AUTS2: variants seen among roughly 807,000 people sequenced by gnomAD.
AUTS2 encodes autism susceptibility gene 2 protein.
In AUTS2, 17 loss-of-function variants were observed where a neutral mutation model predicts 112.4. The observed-to-expected ratio is 0.15, with a 90% CI of 0.10 to 0.23. The LOEUF (loss-of-function observed/expected upper bound fraction) is 0.23. AUTS2 is among the 10% of genes least tolerant of loss of function. The pLI is 1.00. For synonymous variants in AUTS2, 751 were observed against 702.7 expected (o/e 1.07, Z -1.09); for missense variants, 1,510 against 1,701.6 (o/e 0.89, Z 1.98).
chr7:70,707,249 A>G (rs1425315702), intron 6 of AUTS2, among the ~76,000 whole-genome samples: 1 of 152,246 alleles, frequency 6.6e-6, no homozygotes, highest in Non-Finnish European at 1.5e-5. Context: ...AACTGAAGTT[A>G]GATATGAATA....
intron 2 of AUTS2, among the ~76,000 whole-genome samples, chr7:70,045,415 C>T (rs1157106040): frequency 6.6e-6 from 1 of 151,938 alleles, no homozygotes; most frequent in Non-Finnish European, 1.5e-5. Flanking sequence ...CCTCTTTAAT[C>T]ATTTAAATTA....
At chr7:69,855,252 C>T (rs936234162) in intron 1 of AUTS2, among the ~76,000 whole-genome samples, 1 of 152,080 alleles carries the variant, frequency 6.6e-6, no homozygotes, top group African/African-American at 2.4e-5. Context: ...GGTTATAGTT[C>T]ATGGACAAGC....
chr7:70,425,733 A>T (rs1425558707), intron 4 of AUTS2, among the ~76,000 whole-genome samples: 7 of 152,192 alleles, frequency 4.6e-5, no homozygotes, highest in Non-Finnish European at 1.0e-4. Flanking sequence ...TGCAAGACGT[A>T]TGTGAAATCA....
intron 2 of AUTS2, among the ~76,000 whole-genome samples, chr7:70,063,114 A>T (rs1273719577): frequency 6.6e-6 from 1 of 152,062 alleles, no homozygotes; most frequent in African/African-American, 2.4e-5. Flanking sequence ...CCCCACCCAC[A>T]GTGTGATGGA....
intron 4 of AUTS2, among the ~76,000 whole-genome samples, chr7:70,363,465 GAAA>G (rs369462886): frequency 0.02 from 2,207 of 110,782 alleles, 31 homozygotes; most frequent in Middle Eastern, 0.057. Context: ...ATAAAAAAAA[GAAA>G]AAAAAAAAAA....
At chr7:70,548,880 C>G (rs563835469) in intron 5 of AUTS2, among the ~76,000 whole-genome samples, 2 of 151,486 alleles carry the variant, frequency 1.3e-5, no homozygotes, top group African/African-American at 4.8e-5. Context: ...GCTTTGTGTC[C>G]TTTGCATTTC....
intron 1 of AUTS2, among the ~76,000 whole-genome samples, chr7:69,731,726 T>C (rs562478248): frequency 6.6e-6 from 1 of 152,352 alleles, no homozygotes; most frequent in East Asian, 1.9e-4. Context: ...TTGGCATTTG[T>C]CACGTATCTT....
At chr7:70,275,119 A>G in intron 4 of AUTS2, among the ~76,000 whole-genome samples, 1 of 152,130 alleles carries the variant, frequency 6.6e-6, no homozygotes. Context: ...GCACAATCAC[A>G]CCTCGCTGCA....
At chr7:70,660,415 G>A (rs1460724868) in intron 5 of AUTS2, among the ~76,000 whole-genome samples, 3 of 152,188 alleles carry the variant, frequency 2.0e-5, no homozygotes, top group Admixed American at 6.5e-5. Flanking sequence ...ACCTAGCTCC[G>A]TGCACAGCTT....
At chr7:69,808,049 T>C (rs145636888) in intron 1 of AUTS2, among the ~76,000 whole-genome samples, 11 of 150,638 alleles carry the variant, frequency 7.3e-5, no homozygotes, top group African/African-American at 2.7e-4. Flanking sequence ...AGCCTCCGGA[T>C]CCTGAGTAGC....
At chr7:70,371,585 G>A (rs927543269) in intron 4 of AUTS2, among the ~76,000 whole-genome samples, 1 of 152,148 alleles carries the variant, frequency 6.6e-6, no homozygotes, top group African/African-American at 2.4e-5. Context: ...TCACAGAGTT[G>A]AGTTCCTTCA....
rs79665308 is a variant in AUTS2 at position 70,717,456 on chromosome 7, A to G, written c.742+18836A>G. Among the ~76,000 whole-genome samples, 172 of 152,140 alleles carry G rather than the reference A, an allele frequency of 1.1e-3. 1 individual carries two copies. The highest frequency in any genetic ancestry group is 4.1e-3 in the African/African-American group (169 of 41,502). ...CTCACCCCTGCCTCCCAAAGCATCG[A>G]GCTCCTGGTGCACTTTCTAACTCAC... On this transcript the variant is annotated intron_variant, in intron 6 of 18. Transcript: ENST00000342771.
chr7:69,917,515 A>T (rs186399064), intron 2 of AUTS2, among the ~76,000 whole-genome samples: 1 of 146,708 alleles, frequency 6.8e-6, no homozygotes, highest in African/African-American at 2.7e-5. Context: ...TATAGCTTTA[A>T]GGGGCCTGCT....
chr7:69,706,862 T>A (rs1281270654), intron 1 of AUTS2, among the ~76,000 whole-genome samples: 1 of 152,196 alleles, frequency 6.6e-6, no homozygotes, highest in Non-Finnish European at 1.5e-5. Flanking sequence ...CTTCACCTCA[T>A]TTGGTTACAC....
chr7:70,134,453 A>C (rs1380287158), intron 3 of AUTS2, 83 bp from the exon 4 acceptor site: 1 of 1,184,542 alleles, frequency 8.4e-7, no homozygotes, highest in Non-Finnish European at 1.3e-6. Context: ...AAGCCTGCAA[A>C]GGGCTGGTAA....
chr7:70,563,998 C>T (rs11972789), intron 5 of AUTS2, among the ~76,000 whole-genome samples: 115,945 of 152,062 alleles, frequency 0.76, 44,661 homozygotes, highest in Non-Finnish European at 0.79. Flanking sequence ...TTTCAAAATG[C>T]AATATCCTGA....
chr7:70,541,036 T>TTCCTCAGGAA (rs1451083134), intron 5 of AUTS2, among the ~76,000 whole-genome samples: 1 of 152,186 alleles, frequency 6.6e-6, no homozygotes, highest in Non-Finnish European at 1.5e-5. Context: ...TTTTTCCCAC[T>TTCCTCAGGAA]GGTGCTACCC....
At chr7:70,205,523 G>C (rs1212440193) in intron 4 of AUTS2, among the ~76,000 whole-genome samples, 1 of 152,078 alleles carries the variant, frequency 6.6e-6, no homozygotes, top group Non-Finnish European at 1.5e-5. Context: ...ACAAATACTT[G>C]CCATTATGTT....
chr7:70,607,629 G>A (rs898419735), intron 5 of AUTS2, among the ~76,000 whole-genome samples: 13 of 152,322 alleles, frequency 8.5e-5, no homozygotes, highest in Admixed American at 3.3e-4. Flanking sequence ...TCCTTCAGGC[G>A]ACGCTGCAGT....
Sources: gnomAD v4.1 joint callset for allele counts (sites outside exome capture counted in the v4.1 genomes callset) on GRCh38, gnomAD v4.1.1 for gene constraint, MANE v1.5 for transcripts, NCBI Gene and HGNC (gene_info 2026-07-23, HGNC 2026-07-21) for gene names.